MAF: variants seen among roughly 807,000 people sequenced by gnomAD.
MAF encodes MAF bZIP transcription factor.
A neutral mutation model predicts 22.0 loss-of-function variants in MAF; 10 were observed. The ratio of observed to expected loss-of-function variants is 0.45; its 90% CI spans 0.28 to 0.77. The LOEUF is 0.77. MAF is among the 30% of genes least tolerant of loss of function. The pLI is 0.12. For synonymous variants in MAF, 337 were observed against 255.8 expected (o/e 1.32, Z -3.03); for missense variants, 544 against 548.4 (o/e 0.99, Z 0.08).
chr16:79,227,968 A>G, the MAF span, among the ~76,000 whole-genome samples: 2 of 152,108 alleles, frequency 1.3e-5, no homozygotes, highest in Admixed American at 6.6e-5. Context: ...CTATGGCACA[A>G]TTATAGCTTA....
chr16:79,283,788 T>G, the MAF span, among the ~76,000 whole-genome samples: 2 of 152,162 alleles, frequency 1.3e-5, no homozygotes, highest in East Asian at 3.9e-4. Context: ...GCACGCTGCT[T>G]TGGCACTTGC....
the MAF span, among the ~76,000 whole-genome samples, chr16:79,271,462 C>T: frequency 7.2e-5 from 11 of 152,258 alleles, no homozygotes; most frequent in African/African-American, 2.6e-4. Context: ...GGATGGAATT[C>T]GTGTAGCTGC....
At chr16:79,312,481 C>T in the MAF span, among the ~76,000 whole-genome samples, 1 of 152,274 alleles carries the variant, frequency 6.6e-6, no homozygotes, top group Non-Finnish European at 1.5e-5. Flanking sequence ...AAGCACTTCT[C>T]TCTCCATTGG....
chr16:79,254,653 C>G, the MAF span, among the ~76,000 whole-genome samples: 1 of 152,168 alleles, frequency 6.6e-6, no homozygotes, highest in East Asian at 1.9e-4. Context: ...TCTGCTTCTT[C>G]TAACTGGTCT....
the MAF span, among the ~76,000 whole-genome samples, chr16:79,266,359 G>GACTGT: frequency 1.3e-5 from 2 of 152,196 alleles, no homozygotes; most frequent in African/African-American, 4.8e-5. Flanking sequence ...GATAAGGGGG[G>GACTGT]ACTACTGTAA....
the MAF span, among the ~76,000 whole-genome samples, chr16:79,421,046 A>T: frequency 3.9e-5 from 6 of 152,092 alleles, no homozygotes; most frequent in African/African-American, 1.2e-4. Context: ...AAGAAAAAAA[A>T]AAAAATTGAG....
At chr16:79,485,458 G>A in the MAF span, among the ~76,000 whole-genome samples, 1 of 152,118 alleles carries the variant, frequency 6.6e-6, no homozygotes, top group African/African-American at 2.4e-5. Flanking sequence ...CAAACAGGCT[G>A]AATGCTCCTT....
At chr16:79,344,224 T>A in the MAF span, among the ~76,000 whole-genome samples, 3 of 152,130 alleles carry the variant, frequency 2.0e-5, no homozygotes, top group Non-Finnish European at 1.5e-5. Context: ...GTCCTTCTAT[T>A]TACTTTGCAG....
chr16:79,587,920 A>G (rs954016320), intron 1 of MAF, among the ~76,000 whole-genome samples: 2 of 150,062 alleles, frequency 1.3e-5, no homozygotes, highest in Admixed American at 6.7e-5. Flanking sequence ...TCCAAAAGCC[A>G]TTGCAGTTTC....
chr16:79,218,907 G>C, the MAF span, among the ~76,000 whole-genome samples: 2 of 152,202 alleles, frequency 1.3e-5, no homozygotes, highest in East Asian at 3.9e-4. Context: ...GCAGTGCAAA[G>C]CCCAAAACTC....
intron 1 of MAF, chr16:79,596,054 G>T: frequency 9.4e-7 from 1 of 1,061,944 alleles, no homozygotes; most frequent in Non-Finnish European, 1.1e-6. Context: ...GAAAAGGCAA[G>T]CGCTGTTTCT....
chr16:79,256,152 T>C, the MAF span, among the ~76,000 whole-genome samples: 23 of 151,192 alleles, frequency 1.5e-4, no homozygotes, highest in African/African-American at 5.3e-4. Context: ...CAGCTAAATT[T>C]TTTTTTTTTG....
chr16:79,388,798 T>A, the MAF span, among the ~76,000 whole-genome samples: 1 of 152,152 alleles, frequency 6.6e-6, no homozygotes, highest in Non-Finnish European at 1.5e-5. Flanking sequence ...TTATATATGT[T>A]CTCCTGTCCA....
chr16:79,315,132 A>G, the MAF span, among the ~76,000 whole-genome samples: 1 of 152,300 alleles, frequency 6.6e-6, no homozygotes, highest in East Asian at 1.9e-4. Flanking sequence ...TTGAGCATCT[A>G]CTATGTGCCA....
chr16:79,305,050 C>T, the MAF span, among the ~76,000 whole-genome samples: 7 of 152,188 alleles, frequency 4.6e-5, no homozygotes, highest in African/African-American at 7.2e-5. Flanking sequence ...GTACAAAGAG[C>T]GGCCTACAGA....
chr16:79,469,718 T>A, the MAF span, among the ~76,000 whole-genome samples: 2 of 152,274 alleles, frequency 1.3e-5, no homozygotes, highest in East Asian at 1.9e-4. Flanking sequence ...TGCCTCAGCC[T>A]CCTGAGTAGC....
the MAF span, among the ~76,000 whole-genome samples, chr16:79,286,896 G>GT: frequency 6.6e-6 from 1 of 152,064 alleles, no homozygotes; most frequent in South Asian, 2.1e-4. Context: ...CCACACAAAC[G>GT]TATCGACGAG....
chr16:79,216,337 CATAT>C, the MAF span, among the ~76,000 whole-genome samples: 16 of 152,300 alleles, frequency 1.1e-4, no homozygotes, highest in African/African-American at 3.6e-4. Context: ...TGCATATGCA[CATAT>C]ATGTATTGCA....
the MAF span, among the ~76,000 whole-genome samples, chr16:79,290,773 G>A: frequency 1.3e-5 from 2 of 151,972 alleles, no homozygotes; most frequent in African/African-American, 2.4e-5. Context: ...AACTCCCAGG[G>A]CGAATTTGGT....
Sources: allele counts gnomAD v4.1 joint callset (sites outside exome capture counted in the v4.1 genomes callset), GRCh38; gene constraint gnomAD v4.1.1; transcripts MANE v1.5; gene names NCBI Gene and HGNC (gene_info 2026-07-23, HGNC 2026-07-21).